The following AK9 variants were observed in gnomAD, a reference collection of about 807,000 sequenced individuals.
The protein encoded by AK9 is adenylate kinase domain containing 1.
In AK9, 191 loss-of-function variants were observed where a neutral mutation model predicts 239.6. The ratio of observed to expected loss-of-function variants is 0.80; its 90% confidence interval spans 0.71 to 0.90. The LOEUF is 0.90. Among genes scored for constraint, AK9 ranks in the 40% least tolerant of loss-of-function variants. The pLI is 0.00. For missense variants in AK9, 1,995 were observed against 2,214.7 expected, an observed-to-expected ratio of 0.90 and a Z score of 1.99; for synonymous variants, 689 against 721.0, an observed-to-expected ratio of 0.96 and a Z score of 0.71.
chr6:109,573,267 G>A (rs931109830), intron 21 of AK9, among the ~76,000 whole-genome samples, 175 bp downstream of exon 21: 5 of 33,532 alleles, frequency 1.5e-4, no homozygotes, highest in African/African-American at 2.1e-4. Flanking sequence ...AGCAGCCTCT[G>A]CTTTCCTACC....
chr6:109,608,788 A>C (rs1004604452), intron 17 of AK9, among the ~76,000 whole-genome samples: 4 of 152,186 alleles, frequency 2.6e-5, no homozygotes, highest in African/African-American at 9.6e-5. Context: ...TAATTGCAAA[A>C]TATTCAACAA....
chr6:109,577,484 G>T (rs559764804), intron 20 of AK9, among the ~76,000 whole-genome samples: 1 of 151,880 alleles, frequency 6.6e-6, no homozygotes, highest in South Asian at 2.1e-4. Context: ...GTATTAGAGT[G>T]ATACTGGCAT....
intron 7 of AK9, among the ~76,000 whole-genome samples, chr6:109,657,553 T>C (rs911625798): frequency 1.1e-4 from 16 of 150,644 alleles, no homozygotes; most frequent in Non-Finnish European, 2.2e-4. Flanking sequence ...TTCTTTCTTT[T>C]TTTTTTTTAA....
chr6:109,606,774 G>A (rs557649987), intron 17 of AK9, among the ~76,000 whole-genome samples: 41 of 152,288 alleles, frequency 2.7e-4, no homozygotes, highest in African/African-American at 9.6e-4. Context: ...CTCCGTAGCC[G>A]GTCAAGGCAG....
chr6:109,584,807 A>G (rs544159877), intron 19 of AK9, among the ~76,000 whole-genome samples: 2 of 152,256 alleles, frequency 1.3e-5, no homozygotes, highest in African/African-American at 4.8e-5. Flanking sequence ...AATGCTAGTT[A>G]ACAAAATTAA....
chr6:109,586,739 C>T (rs1407050453), intron 17 of AK9, among the ~76,000 whole-genome samples: 1 of 152,138 alleles, frequency 6.6e-6, no homozygotes, highest in African/African-American at 2.4e-5. Context: ...ACAAACTTTG[C>T]AGGTGCTTAG....
intron 3 of AK9, 97 bp from the exon 4 acceptor site, chr6:109,672,264 C>T: frequency 1.9e-6 from 2 of 1,044,442 alleles, no homozygotes; most frequent in Non-Finnish European, 2.9e-6. Flanking sequence ...CAAAGATTAA[C>T]ATTTGTGCAT....
At chr6:109,639,541 G>C (rs1797139672) in intron 10 of AK9, among the ~76,000 whole-genome samples, 2 of 152,190 alleles carry the variant, frequency 1.3e-5, no homozygotes, top group Admixed American at 6.5e-5. Flanking sequence ...GTAGATTCTG[G>C]ATATTAGCCC....
At chr6:109,521,979 C>T (rs1779916691) in intron 29 of AK9, among the ~76,000 whole-genome samples, 1 of 151,158 alleles carries the variant, frequency 6.6e-6, no homozygotes. Context: ...ATAAAAGAGG[C>T]TAATTTTCAC....
intron 12 of AK9, among the ~76,000 whole-genome samples, chr6:109,627,407 A>G (rs1795669545): frequency 1.3e-5 from 2 of 152,196 alleles, no homozygotes; most frequent in South Asian, 4.1e-4. Flanking sequence ...TAAGCCATTA[A>G]CATCATTGTT....
chr6:109,629,446 C>A (rs1335187219), intron 12 of AK9, among the ~76,000 whole-genome samples: 1 of 151,966 alleles, frequency 6.6e-6, no homozygotes, highest in Non-Finnish European at 1.5e-5. Context: ...AGTAAAATGG[C>A]CTTTCTTAGG....
rs375310552 is a variant in AK9 at position 109,527,106 on chromosome 6, G to C, written c.3633+1905C>G. ...ACCCAACACCTAATGGAGACCCAGAGACGGAGCCAGGGGACAGGAAGAGAG... is the reference window on the plus strand; with the variant it reads ...ACCCAACACCTAATGGAGACCCAGACACGGAGCCAGGGGACAGGAAGAGAG... On this transcript the variant is annotated intron_variant, in intron 29 of 40. Transcript: ENST00000424296. Among the ~76,000 whole-genome samples, 8 of 152,302 alleles carry C rather than the reference G, an allele frequency of 5.3e-5. No individual in the cohort carries two copies. The South Asian group carries it at 1.7e-3, about 32-fold the overall frequency.
Position 109,689,562 on chromosome 6 carries a change from A to T in AK9, c.-12+1585T>A, listed in dbSNP as rs116577978. Among the ~76,000 whole-genome samples the T allele has an allele frequency of 3.8e-3, 577 of 152,296 alleles. 1 individual carries two copies. Among genetic ancestry groups the T allele is most frequent in the African/African-American group, 0.013 (558 of 41,568 alleles). On this transcript the variant is annotated intron_variant, in intron 1 of 40. Transcript: ENST00000424296. The stretch of plus-strand genomic sequence containing the variant: ...AAATACTCCAGCTTCCTTGCCCCTC[A>T]AGAGGGGATAACTGAGACATGCCTC...
At chr6:109,546,251 A>G in intron 25 of AK9, 124 bp from the exon 26 acceptor site, 2 of 816,896 alleles carry the variant, frequency 2.4e-6, no homozygotes, top group Middle Eastern at 3.8e-4. Context: ...AGGAATGATC[A>G]CATCATGAAC....
intron 29 of AK9, among the ~76,000 whole-genome samples, chr6:109,523,541 A>G (rs1424779771): frequency 6.6e-6 from 1 of 152,198 alleles, no homozygotes; most frequent in Non-Finnish European, 1.5e-5. Context: ...CAAAATTTGG[A>G]GGAAGCAACT....
At chr6:109,604,135 T>G (rs1792511511) in intron 17 of AK9, among the ~76,000 whole-genome samples, 1 of 152,132 alleles carries the variant, frequency 6.6e-6, no homozygotes, top group African/African-American at 2.4e-5. Context: ...CAGTTGGAAA[T>G]GCGGAAATCA....
At chr6:109,528,821 T>TCAGC (rs772669838) in intron 29 of AK9, 190 bp downstream of exon 29, 7 of 971,096 alleles carry the variant, frequency 7.2e-6, no homozygotes, top group Non-Finnish European at 1.1e-5. Context: ...TACAAGAGTG[T>TCAGC]CTTAAGCCAG....
chr6:109,565,287 G>GGCAACACA (rs1189160800), intron 21 of AK9, among the ~76,000 whole-genome samples: 2 of 152,068 alleles, frequency 1.3e-5, no homozygotes, highest in African/African-American at 4.8e-5. Context: ...GACCAGCCTA[G>GGCAACACA]GCAACACAGC....
chr6:109,495,585 T>A, intron 38 of AK9, 145 bp from the exon 39 acceptor site: 2 of 514,744 alleles, frequency 3.9e-6, no homozygotes, highest in Non-Finnish European at 6.6e-6. Flanking sequence ...CTGGGGCTCC[T>A]GGAAGTGCAC....
Sources: gnomAD v4.1 joint callset for allele counts (sites outside exome capture counted in the v4.1 genomes callset) on GRCh38, gnomAD v4.1.1 for gene constraint, MANE v1.5 for transcripts, NCBI Gene and HGNC (gene_info 2026-07-23, HGNC 2026-07-21) for gene names.